CTNNA2: variants seen among roughly 807,000 people sequenced by gnomAD.
The protein encoded by CTNNA2 is catenin alpha-2.
A neutral mutation model predicts 101.0 loss-of-function variants in CTNNA2; 42 were observed. The observed-to-expected ratio is 0.42, with a 90% CI of 0.32 to 0.54. The LOEUF (loss-of-function observed/expected upper bound fraction) is 0.54, where lower values mean the gene tolerates loss of function less well. Among genes scored for constraint, CTNNA2 ranks in the 20% least tolerant of loss-of-function variants. The pLI, the probability that CTNNA2 is intolerant of heterozygous loss-of-function variation, is 0.14. For missense variants in CTNNA2, 871 were observed against 1,223.1 expected (o/e 0.71, Z 4.29); for synonymous variants, 450 against 456.4 (o/e 0.99, Z 0.18).
chr2:79,782,990 GT>G (rs1476932941), intron 3 of CTNNA2, among the ~76,000 whole-genome samples: 1 of 147,402 alleles, frequency 6.8e-6, no homozygotes, highest in South Asian at 2.1e-4. Context: ...TCTTCTGCCA[GT>G]TTTCCTCCCC....
chr2:80,612,538 C>T (rs2902207), intron 17 of CTNNA2, among the ~76,000 whole-genome samples: 7,823 of 151,274 alleles, frequency 0.052, 525 homozygotes, highest in African/African-American at 0.15. Context: ...CTATCTGATC[C>T]AATACAAATT....
intron 3 of CTNNA2, among the ~76,000 whole-genome samples, chr2:79,837,539 A>C (rs1338024456): frequency 3.3e-5 from 5 of 152,194 alleles, no homozygotes; most frequent in African/African-American, 1.2e-4. Context: ...CCATTGAATA[A>C]TACCATGTGC....
At chr2:79,259,377 C>T (rs968836570) in intron 2 of CTNNA2, among the ~76,000 whole-genome samples, 24 of 152,012 alleles carry the variant, frequency 1.6e-4, no homozygotes, top group South Asian at 8.3e-4. Flanking sequence ...TTACAGAAAC[C>T]GAGTGAGCTA....
chr2:79,205,833 C>T (rs1173169403), intron 2 of CTNNA2, among the ~76,000 whole-genome samples: 1 of 152,140 alleles, frequency 6.6e-6, no homozygotes, highest in Non-Finnish European at 1.5e-5. Flanking sequence ...TAATTTTTGA[C>T]ATAAAGATAC....
rs114124016 is a variant in CTNNA2, at chr2:80,056,616, C to T, written c.1056+146819C>T. Among the ~76,000 whole-genome samples, 970 of 152,356 alleles carry T rather than the reference C, an allele frequency of 6.4e-3. 4 individuals carry two copies. Among genetic ancestry groups the T allele is most frequent in the African/African-American group, 0.017 (717 of 41,576 alleles). ...CATATATACTGTCCTCATTCCTTTACATACATCTTTCATTTCATTCTTTAT... is the reference window on the plus strand; with the variant it reads ...CATATATACTGTCCTCATTCCTTTATATACATCTTTCATTTCATTCTTTAT... On this transcript the variant is annotated intron_variant, in intron 7 of 18. Coordinates refer to ENST00000402739, the MANE Select transcript of CTNNA2 (RefSeq NM_001282597.3).
chr2:79,207,674 G>A (rs1299725021), intron 2 of CTNNA2, among the ~76,000 whole-genome samples: 1 of 152,192 alleles, frequency 6.6e-6, no homozygotes, highest in East Asian at 1.9e-4. Flanking sequence ...TTAGCAAGAA[G>A]TGGCTCCCTG....
chr2:80,277,816 C>T (rs190946664), intron 7 of CTNNA2, among the ~76,000 whole-genome samples: 14 of 152,248 alleles, frequency 9.2e-5, no homozygotes, highest in East Asian at 7.7e-4. Context: ...TCATCAACCA[C>T]GTCAACCTTC....
chr2:80,568,592 TGTGTGA>T (rs1694276493), intron 12 of CTNNA2, among the ~76,000 whole-genome samples: 1 of 151,596 alleles, frequency 6.6e-6, no homozygotes, highest in South Asian at 2.1e-4. Flanking sequence ...TGTGTGTGTG[TGTGTGA>T]GATTAGGATG....
At chr2:79,352,938 G>T (rs1677424656) in intron 3 of CTNNA2, among the ~76,000 whole-genome samples, 3 of 152,194 alleles carry the variant, frequency 2.0e-5, no homozygotes, top group Admixed American at 1.3e-4. Context: ...TATTCAAATG[G>T]CCAGCAGGAG....
intron 4 of CTNNA2, among the ~76,000 whole-genome samples, chr2:79,454,093 G>C (rs761769448): frequency 1.3e-4 from 20 of 152,116 alleles, no homozygotes; most frequent in Non-Finnish European, 2.5e-4. Context: ...CTAGGTCATA[G>C]ACATGACCGA....
intron 9 of CTNNA2, among the ~76,000 whole-genome samples, chr2:80,533,938 G>A (rs1332448478): frequency 4.6e-5 from 7 of 152,098 alleles, no homozygotes; most frequent in African/African-American, 1.7e-4. Flanking sequence ...GAAGGCATTA[G>A]GTGATGCTTT....
chr2:80,037,129 A>G (rs536306297), intron 7 of CTNNA2, among the ~76,000 whole-genome samples: 1 of 152,288 alleles, frequency 6.6e-6, no homozygotes, highest in East Asian at 1.9e-4. Context: ...CTCTTTTGCT[A>G]GCTGTCCTAG....
At chr2:79,490,789 A>G in intron 4 of CTNNA2, among the ~76,000 whole-genome samples, 1 of 152,196 alleles carries the variant, frequency 6.6e-6, no homozygotes, top group East Asian at 1.9e-4. Flanking sequence ...ATCTTGAGAA[A>G]TGTTATGATC....
intron 7 of CTNNA2, among the ~76,000 whole-genome samples, chr2:80,074,931 A>G (rs1698577665): frequency 6.6e-6 from 1 of 152,184 alleles, no homozygotes; most frequent in Non-Finnish European, 1.5e-5. Context: ...GCTACTTCTA[A>G]AAGATTATAC....
intron 7 of CTNNA2, among the ~76,000 whole-genome samples, chr2:80,299,948 T>C (rs151129814): frequency 4.2e-4 from 64 of 152,282 alleles, no homozygotes; most frequent in African/African-American, 1.4e-3. Flanking sequence ...GAGCCCTCCT[T>C]CAGTTGCTAC....
intron 7 of CTNNA2, among the ~76,000 whole-genome samples, chr2:80,256,654 A>G (rs2149115194): frequency 6.6e-6 from 1 of 152,242 alleles, no homozygotes; most frequent in African/African-American, 2.4e-5. Context: ...CCACTTGAAC[A>G]ACTTCAGTAA....
chr2:79,796,312 C>T (rs1275440421), intron 3 of CTNNA2, among the ~76,000 whole-genome samples: 13 of 147,214 alleles, frequency 8.8e-5, no homozygotes, highest in South Asian at 8.7e-4. Context: ...GGCGTGAACC[C>T]GGGAGGCGGA....
intron 3 of CTNNA2, among the ~76,000 whole-genome samples, chr2:79,330,325 A>G (rs2104417766): frequency 6.6e-6 from 1 of 152,326 alleles, no homozygotes; most frequent in East Asian, 1.9e-4. Flanking sequence ...CAAGACTCAG[A>G]GTTTGTAGGA....
chr2:80,272,663 G>GA (rs1673591677), intron 7 of CTNNA2, among the ~76,000 whole-genome samples: 2 of 152,206 alleles, frequency 1.3e-5, no homozygotes, highest in South Asian at 4.2e-4. Context: ...AGAGCTGTCA[G>GA]AAAAAATACA....
Sources: gnomAD v4.1 joint callset for allele counts (sites outside exome capture counted in the v4.1 genomes callset) on GRCh38, gnomAD v4.1.1 for gene constraint, MANE v1.5 for transcripts, NCBI Gene and HGNC (gene_info 2026-07-23, HGNC 2026-07-21) for gene names.